The following ELAVL2 variants were observed in gnomAD, a reference collection of about 807,000 sequenced individuals.
ELAVL2 encodes the protein ELAV like RNA binding protein 2, also known as ELAV-like protein 2.
In ELAVL2, 4 loss-of-function variants were observed where a neutral mutation model predicts 34.6. The observed-to-expected ratio is 0.12, with a 90% CI of 0.06 to 0.26. The LOEUF (loss-of-function observed/expected upper bound fraction) is 0.26, where lower values mean the gene tolerates loss of function less well. Among genes scored for constraint, ELAVL2 ranks in the 10% least tolerant of loss-of-function variants. The pLI is 1.00. For missense variants in ELAVL2, 432 were observed against 442.8 expected (o/e 0.98, Z 0.22); for synonymous variants, 193 against 154.8 (o/e 1.25, Z -1.83).
At chr9:23,809,805 G>T (rs891580475) in intron 1 of ELAVL2, among the ~76,000 whole-genome samples, 6 of 152,062 alleles carry the variant, frequency 3.9e-5, no homozygotes, top group Non-Finnish European at 5.9e-5. Flanking sequence ...GTAATTCTTT[G>T]TCATCCACTC....
chr9:23,764,952 C>A, intron 1 of ELAVL2: 1 of 1,542,024 alleles, frequency 6.5e-7, no homozygotes, highest in African/African-American at 1.4e-5. Flanking sequence ...GGCCTCAGCA[C>A]TCCTCCAACA....
At chr9:23,736,040 T>C (rs957291703) in intron 2 of ELAVL2, among the ~76,000 whole-genome samples, 21 of 152,300 alleles carry the variant, frequency 1.4e-4, no homozygotes, top group African/African-American at 5.1e-4. Flanking sequence ...AAAATTTTAA[T>C]TGCATATTTT....
intron 3 of ELAVL2, among the ~76,000 whole-genome samples, chr9:23,716,648 A>G (rs1244424195): frequency 6.6e-6 from 1 of 152,230 alleles, no homozygotes; most frequent in Non-Finnish European, 1.5e-5. Context: ...GCTGCTCTCC[A>G]AAGACAAAAA....
Position 23,741,799 on chromosome 9 carries a change from G to A in ELAVL2, c.230-10674C>T, listed in dbSNP as rs138217303. ...ACCTTTCTCCCTTTGAAAGCCCTAC[G>A]GTAAATTTTTAAATTGAAGATGGTA... is the stretch of plus-strand genomic sequence containing the variant. On this transcript the variant is annotated intron_variant, in intron 2 of 6. Transcript: ENST00000397312. 2.5e-3 allele frequency among the ~76,000 whole-genome samples: 385 copies of A among 152,106 alleles called. 1 individual carries two copies. Among genetic ancestry groups the A allele is most frequent in the African/African-American group, 7.9e-3 (326 of 41,472 alleles).
chr9:23,837,882 G>A, the ELAVL2 span, among the ~76,000 whole-genome samples: 1 of 152,030 alleles, frequency 6.6e-6, no homozygotes, highest in Non-Finnish European at 1.5e-5. Flanking sequence ...ATTTATAGTT[G>A]GATGATTTAT....
chr9:23,724,620 C>T (rs2044608227), intron 3 of ELAVL2, among the ~76,000 whole-genome samples: 1 of 152,188 alleles, frequency 6.6e-6, no homozygotes, highest in South Asian at 2.1e-4. Context: ...TGTGACTTCT[C>T]ACTTCAAATA....
intron 2 of ELAVL2, among the ~76,000 whole-genome samples, chr9:23,752,939 ATC>A (rs1173882184): frequency 6.6e-6 from 1 of 152,148 alleles, no homozygotes; most frequent in East Asian, 1.9e-4. Context: ...TTAACTGCGA[ATC>A]TGTTTCTTCA....
intron 1 of ELAVL2, among the ~76,000 whole-genome samples, chr9:23,778,275 C>G (rs1178946125): frequency 6.6e-6 from 1 of 152,202 alleles, no homozygotes; most frequent in East Asian, 1.9e-4. Flanking sequence ...TTCTGTAACT[C>G]TCCTCAACCT....
rs148994619 is a variant in ELAVL2 at position 23,761,595 on chromosome 9, A to G, written c.229+411T>C. On this transcript the variant is annotated intron_variant, in intron 2 of 6. Transcript: ENST00000397312. ...ATTTATTTTATCATATATAAGCAAA[A>G]TGATTATATTAACATAAGGAAAACA... Among the ~76,000 whole-genome samples the G allele has an allele frequency of 2.4e-4, 37 of 152,186 alleles. 1 individual carries two copies. Among genetic ancestry groups the G allele is most frequent in the African/African-American group, 8.9e-4 (37 of 41,562 alleles).
intron 1 of ELAVL2, chr9:23,821,976 G>C (rs1475764871): frequency 6.6e-6 from 1 of 151,522 alleles, no homozygotes; most frequent in African/African-American, 2.4e-5. Flanking sequence ...TGCCGGCAGG[G>C]AGATGCCGGG....
At chr9:23,730,711 G>T (rs1053759055) in intron 3 of ELAVL2, among the ~76,000 whole-genome samples, 1 of 152,046 alleles carries the variant, frequency 6.6e-6, no homozygotes, top group African/African-American at 2.4e-5. Context: ...AGAAGAACAA[G>T]TCTAAGGTTT....
At chr9:23,747,759 T>C (rs2050861805) in intron 2 of ELAVL2, among the ~76,000 whole-genome samples, 1 of 152,192 alleles carries the variant, frequency 6.6e-6, no homozygotes, top group African/African-American at 2.4e-5. Context: ...GGAGGCTTTC[T>C]GTTAAGCCCC....
At chr9:23,790,066 G>C (rs1186463401) in intron 1 of ELAVL2, among the ~76,000 whole-genome samples, 1 of 148,914 alleles carries the variant, frequency 6.7e-6, no homozygotes, top group Non-Finnish European at 1.5e-5. Flanking sequence ...GGTAAAAAAG[G>C]GGAAAAAAAA....
At chr9:23,797,953 GAA>G (rs992803892) in intron 1 of ELAVL2, among the ~76,000 whole-genome samples, 4 of 150,910 alleles carry the variant, frequency 2.7e-5, no homozygotes, top group African/African-American at 9.8e-5. Context: ...GAAAAGAAAA[GAA>G]AAAAAAAGTA....
intron 3 of ELAVL2, among the ~76,000 whole-genome samples, chr9:23,716,847 A>C (rs2133909032): frequency 6.6e-6 from 1 of 152,364 alleles, no homozygotes; most frequent in African/African-American, 2.4e-5. Flanking sequence ...TGAATGATGA[A>C]GAGCCCAGCT....
intron 1 of ELAVL2, among the ~76,000 whole-genome samples, chr9:23,812,343 A>T (rs1020049311): frequency 6.2e-4 from 95 of 152,292 alleles, no homozygotes; most frequent in African/African-American, 2.3e-3. Flanking sequence ...ACTCAAAAAC[A>T]AAATTAGATT....
chr9:23,746,872 C>T (rs1006829892), intron 2 of ELAVL2, among the ~76,000 whole-genome samples: 1 of 150,636 alleles, frequency 6.6e-6, no homozygotes, highest in African/African-American at 2.4e-5. Context: ...ATGACTGCAT[C>T]CAATATTAAT....
intron 1 of ELAVL2, among the ~76,000 whole-genome samples, chr9:23,770,353 G>A (rs1169505264): frequency 6.6e-6 from 1 of 152,148 alleles, no homozygotes; most frequent in Non-Finnish European, 1.5e-5. Flanking sequence ...TGGCTGCTGT[G>A]ATAGGAAGAA....
chr9:23,804,010 G>A (rs1588664814), intron 1 of ELAVL2, among the ~76,000 whole-genome samples: 1 of 152,112 alleles, frequency 6.6e-6, no homozygotes, highest in Non-Finnish European at 1.5e-5. Context: ...CTCATATGTA[G>A]GAAAAGTGCA....
Sources: allele counts gnomAD v4.1 joint callset (sites outside exome capture counted in the v4.1 genomes callset), GRCh38; gene constraint gnomAD v4.1.1; transcripts MANE v1.5; gene names NCBI Gene and HGNC (gene_info 2026-07-23, HGNC 2026-07-21).